Variants in POLR1A observed in about 807,000 individuals in gnomAD.
The protein encoded by POLR1A is DNA-directed RNA polymerase I subunit RPA1.
POLR1A carries 84 observed loss-of-function variants against 205.3 expected under a neutral mutation model. The observed-to-expected ratio is 0.41, with a 90% CI of 0.34 to 0.49. The LOEUF is 0.49. POLR1A is among the 20% of genes least tolerant of loss of function. The pLI is 0.22. For synonymous variants in POLR1A, 799 were observed against 863.7 expected, an observed-to-expected ratio of 0.93 and a Z score of 1.31; for missense variants, 1,645 against 2,204.5, an observed-to-expected ratio of 0.75 and a Z score of 5.08.
chr2:86,070,056 C>T lies in POLR1A; in HGVS notation c.1828G>A (p.Val610Ile), dbSNP rs185579866. The T allele has an allele frequency of 2.7e-5, 44 of 1,613,990 alleles. No homozygotes were observed. Among genetic ancestry groups the T allele is most frequent in the Admixed American group, 2.2e-4 (13 of 60,008 alleles). ...QSELGRAEAY[V>I]LACTDQQYLV... ...TACTGCTGATCAGTGCAGGCCAGGA[C>T]GTAGGCCTCGGCCCGGCCCAGCTCA... The change falls in exon 13 of 34, where the codon GTC becomes ATC. Residue 610 changes from valine to isoleucine, a missense_variant. By Grantham distance (29) the Val-to-Ile change is conservative. Around this residue, in one of 16 missense-constraint regions of POLR1A, gnomAD observed 24 missense variants for 52.1 expected, o/e 0.46. Coordinates refer to ENST00000263857, the MANE Select transcript of POLR1A (RefSeq NM_015425.6). The surrounding 1 kb of genome is among the most constrained non-coding windows in gnomAD (Gnocchi z 4.4).
intron 14 of POLR1A, among the ~76,000 whole-genome samples, chr2:86,063,667 C>T (rs984862812): frequency 4.6e-5 from 7 of 152,076 alleles, no homozygotes; most frequent in Non-Finnish European, 7.3e-5. Flanking sequence ...TAATACCTCA[C>T]GACCAAGGAA....
chr2:86,027,768 C>A, intron 33 of POLR1A, 117 bp downstream of exon 33: 1 of 1,238,996 alleles, frequency 8.1e-7, no homozygotes. Flanking sequence ...CCCCGCTCCC[C>A]TCAGATCCCA....
Position 86,065,304 on chromosome 2 carries a change from C to T in POLR1A, c.2028G>A (p.Leu676=), listed in dbSNP as rs1673067135. 1 of 1,614,128 alleles carries T rather than the reference C, an allele frequency of 6.2e-7. No individual in the cohort carries two copies. The change falls in exon 14 of 34, where the codon CTG becomes CTA. Residue 676 remains leucine (L), a synonymous_variant. Coordinates refer to ENST00000263857, the MANE Select transcript of POLR1A (RefSeq NM_015425.6). ...GRVKLLSPSI[L]KPFPLWTGKQ... ...TTCCTGTCCACAGCGGAAAGGGCTT[C>T]AGGATGGAAGGAGAAAGGAGCTTCA...
chr2:86,030,201 C>T lies in POLR1A; in HGVS notation c.4774G>A (p.Ala1592Thr), dbSNP rs141410685. The T allele has an allele frequency of 5.6e-6, 9 of 1,613,634 alleles. No individual in the cohort carries two copies. The highest frequency in any genetic ancestry group is 7.6e-6 in the Non-Finnish European group (9 of 1,179,482). The change falls in exon 31 of 34, where the codon GCA becomes ACA. Residue 1592 changes from alanine to threonine, a missense_variant. Ala to Thr is a moderately conservative substitution (Grantham distance 58). Around this residue, in one of 16 missense-constraint regions of POLR1A, gnomAD observed 394 missense variants for 468.5 expected, o/e 0.84. Transcript: ENST00000263857. The stretch of plus-strand genomic sequence containing the variant: ...CAGCAGACAGCCTGTCTTACCTCTG[C>T]ATACTTGAATAGCTCTGGGAGGTTG... Reference protein sequence around the residue: ...GINLPELFKYAEVLDLRRLYS... With the variant: ...GINLPELFKYTEVLDLRRLYS...
rs182067214 is a variant in POLR1A, at chr2:86,054,177, A to G, written c.2171T>C (p.Val724Ala). 6.2e-6 allele frequency: 10 copies of G among 1,614,012 alleles called. No individual in the cohort carries two copies. Among genetic ancestry groups the G allele is most frequent in the East Asian group, 4.5e-5 (2 of 44,894 alleles). The change falls in exon 15 of 34, where the codon GTT becomes GCT. Residue 724 changes from valine to alanine, a missense_variant. Coordinates refer to ENST00000263857, the MANE Select transcript of POLR1A (RefSeq NM_015425.6). ...CATCGAGTCAGGGTTAAAGCCAGGAACGGATCGAGGAGTTTCCTTCACCCA... is the reference window on the plus strand; with the variant it reads ...CATCGAGTCAGGGTTAAAGCCAGGAGCGGATCGAGGAGTTTCCTTCACCCA... ...KAWVKETPRS[V>A]PGFNPDSMCE...
intron 16 of POLR1A, among the ~76,000 whole-genome samples, chr2:86,050,109 G>T (rs1304071031): frequency 6.6e-6 from 1 of 151,998 alleles, no homozygotes. Context: ...GTACAGACAG[G>T]GTTTCACCAC....
At chr2:86,074,935 T>G in intron 12 of POLR1A, 95 bp downstream of exon 12, 1 of 821,232 alleles carries the variant, frequency 1.2e-6, no homozygotes, top group Non-Finnish European at 1.9e-6. Context: ...TGGGCTCCTG[T>G]GTCAGTGCGC....
chr2:86,081,480 T>C, intron 8 of POLR1A, 121 bp downstream of exon 8: 1 of 620,158 alleles, frequency 1.6e-6, no homozygotes, highest in Non-Finnish European at 2.9e-6. Context: ...CACCTGCACC[T>C]GGAGCGGAAC....
intron 26 of POLR1A, among the ~76,000 whole-genome samples, chr2:86,039,086 G>A (rs748492925): frequency 1.7e-4 from 26 of 152,286 alleles, no homozygotes; most frequent in Non-Finnish European, 2.6e-4. Flanking sequence ...TCAGCAGAGC[G>A]GGTAGGCAAA....
chr2:86,088,544 T>C, intron 6 of POLR1A, 22 bp downstream of exon 6: 1 of 1,524,112 alleles, frequency 6.6e-7, no homozygotes, highest in Non-Finnish European at 9.1e-7. Flanking sequence ...ATGGAGCTCC[T>C]CTCCAGACCC....
At chr2:86,091,281 A>AT (rs1673601946) in intron 3 of POLR1A, among the ~76,000 whole-genome samples, 1 of 152,154 alleles carries the variant, frequency 6.6e-6, no homozygotes, top group African/African-American at 2.4e-5. Flanking sequence ...TTTTACATTT[A>AT]TTTTTATAAT....
intron 13 of POLR1A, 76 bp downstream of exon 13, chr2:86,069,942 G>T: frequency 1.3e-6 from 2 of 1,505,476 alleles, no homozygotes; most frequent in East Asian, 2.3e-5. Context: ...ATGACCCCAG[G>T]GGCTGGCAGG....
At chr2:86,084,682 T>TTTC (rs1673469938) in intron 6 of POLR1A, among the ~76,000 whole-genome samples, 1 of 150,538 alleles carries the variant, frequency 6.6e-6, no homozygotes, top group Non-Finnish European at 1.5e-5. Context: ...TTTTTTTTTT[T>TTTC]TTCAAGACGG....
At chr2:86,054,419 A>G in intron 14 of POLR1A, 130 bp from the exon 15 acceptor site, 1 of 831,748 alleles carries the variant, frequency 1.2e-6, no homozygotes, top group Admixed American at 2.5e-5. Flanking sequence ...GCCATTTCTG[A>G]TGATCTCAGG....
chr2:86,037,931 G>A (rs1031564106), intron 27 of POLR1A, among the ~76,000 whole-genome samples: 1 of 152,174 alleles, frequency 6.6e-6, no homozygotes, highest in Non-Finnish European at 1.5e-5. Context: ...CAGTCTGCCG[G>A]GGGCCTCCAA....
intron 27 of POLR1A, among the ~76,000 whole-genome samples, chr2:86,035,088 T>C (rs1672470649): frequency 6.6e-6 from 1 of 152,202 alleles, no homozygotes; most frequent in Non-Finnish European, 1.5e-5. Context: ...CCAGGCTGAT[T>C]GTGGACTCCT....
chr2:86,051,365 CT>C (rs199606800), intron 16 of POLR1A, among the ~76,000 whole-genome samples: 16,497 of 145,238 alleles, frequency 0.11, 1,190 homozygotes, highest in African/African-American at 0.21. Context: ...TTCATGTATG[CT>C]TTTTTTTTTT....
chr2:86,059,410 C>T (rs187978974), intron 14 of POLR1A, among the ~76,000 whole-genome samples: 79 of 152,208 alleles, frequency 5.2e-4, no homozygotes, highest in African/African-American at 1.5e-3. Context: ...GGTCCATGTG[C>T]CTGGCCATCA....
At chr2:86,035,043 C>A (rs1395909942) in intron 27 of POLR1A, among the ~76,000 whole-genome samples, 1 of 152,096 alleles carries the variant, frequency 6.6e-6, no homozygotes, top group Non-Finnish European at 1.5e-5. Flanking sequence ...ACTAATTTTT[C>A]TATTTTTAGT....
Sources: allele counts gnomAD v4.1 joint callset (sites outside exome capture counted in the v4.1 genomes callset), GRCh38; gene constraint gnomAD v4.1.1; regional missense constraint gnomAD v4.1.1; non-coding constraint Gnocchi (gnomAD v3.1); transcripts MANE v1.5; gene names NCBI Gene and HGNC (gene_info 2026-07-23, HGNC 2026-07-21).